REXO1: variants seen among roughly 807,000 people sequenced by gnomAD.
The protein encoded by REXO1 is RNA exonuclease 1 homolog, also known as REX1, RNA exonuclease 1 homolog.
REXO1 carries 42 observed loss-of-function variants against 102.6 expected under a neutral mutation model. That is an observed-to-expected ratio of 0.41 (90% CI 0.32 to 0.53). The LOEUF is 0.53. Ranked by LOEUF, REXO1 falls within the 20% of genes least tolerant of loss-of-function variation. The pLI is 0.27. For synonymous variants in REXO1, 908 were observed against 779.1 expected (o/e 1.17, Z -2.76); for missense variants, 1,819 against 1,732.5 (o/e 1.05, Z -0.89).
At chr19:1,833,561 A>T (rs1340086617) in intron 1 of REXO1, among the ~76,000 whole-genome samples, 1 of 152,208 alleles carries the variant, frequency 6.6e-6, no homozygotes, top group Non-Finnish European at 1.5e-5. Flanking sequence ...CCAGGCCAGG[A>T]GGATGCTCCC....
Position 1,821,525 on chromosome 19 carries a change from G to C in REXO1, c.2388C>G (p.Ser796=). The change falls in exon 5 of 16, where the codon TCC becomes TCG. Residue 796 remains serine (S), a synonymous_variant. Coordinates refer to ENST00000170168, the MANE Select transcript of REXO1 (RefSeq NM_020695.4). Reference sequence around the variant, plus strand: ...CCGAGATGGGAGGGGCTACCTGTAAGGATGGACTGTGGGCGATTCGCTTAG... The same window carrying C: ...CCGAGATGGGAGGGGCTACCTGTAACGATGGACTGTGGGCGATTCGCTTAG... The part of the protein sequence containing the change: ...IIPKRIAHSP[S]LQSLKKPIIP... 6.2e-7 allele frequency: 1 copy of C among 1,613,758 alleles called. No individual in the cohort carries two copies. Among genetic ancestry groups the C allele is most frequent in the Non-Finnish European group, 8.5e-7 (1 of 1,179,816 alleles).
At chr19:1,835,915 G>C (rs1460754409) in intron 1 of REXO1, among the ~76,000 whole-genome samples, 3 of 152,206 alleles carry the variant, frequency 2.0e-5, no homozygotes, top group African/African-American at 7.2e-5. Context: ...TCCCGGCCTA[G>C]GAGAGAGCCC....
Position 1,819,003 on chromosome 19 carries a change from G to C in REXO1, c.2764+15C>G. Reference sequence around the variant, plus strand: ...CCACGAAGCACCGTGTGGCAGAGCAGGGGCAGGGCCTTACCTTTCAGGTCC... The same window carrying C: ...CCACGAAGCACCGTGTGGCAGAGCACGGGCAGGGCCTTACCTTTCAGGTCC... On this transcript the variant is annotated intron_variant, in intron 8 of 15. Transcript: ENST00000170168. 6.3e-7 allele frequency: 1 copy of C among 1,593,970 alleles called. No individual in the cohort carries two copies. The highest frequency in any genetic ancestry group is 1.1e-5 in the South Asian group (1 of 89,230).
At chr19:1,829,868 C>T (rs528179788) in intron 1 of REXO1, among the ~76,000 whole-genome samples, 14 of 152,262 alleles carry the variant, frequency 9.2e-5, no homozygotes, top group South Asian at 2.1e-4. Context: ...GCTTTGAACT[C>T]GTAGACTCAA....
rs772750482 is a variant in REXO1, at chr19:1,818,575, G to A, written c.2923C>T (p.Arg975Cys). 2.5e-6 allele frequency: 4 copies of A among 1,611,168 alleles called. No homozygotes were observed. The highest frequency in any genetic ancestry group is 2.5e-6 in the Non-Finnish European group (3 of 1,179,416). ...GACACGAGGTACTCGGTGCCACAGCGGCAGCAGGTCCTGCAGGAAGCTGTG... is the reference window on the plus strand; with the variant it reads ...GACACGAGGTACTCGGTGCCACAGCAGCAGCAGGTCCTGCAGGAAGCTGTG... Reference protein sequence around the residue: ...PKDSSCRTCCRCGTEYLVSSS... With the variant: ...PKDSSCRTCCCCGTEYLVSSS... The change falls in exon 10 of 16, where the codon CGC becomes TGC. Residue 975 changes from arginine (R) to cysteine (C), a missense_variant. Transcript: ENST00000170168.
At chr19:1,817,159 C>G in intron 12 of REXO1, 60 bp downstream of exon 12, 1 of 810,336 alleles carries the variant, frequency 1.2e-6, no homozygotes, top group Non-Finnish European at 1.7e-6. Flanking sequence ...GATGGGGCGG[C>G]CGCACCAGGC....
intron 1 of REXO1, among the ~76,000 whole-genome samples, chr19:1,837,718 C>T (rs766251208): frequency 1.3e-5 from 2 of 152,164 alleles, no homozygotes; most frequent in Non-Finnish European, 2.9e-5. Flanking sequence ...GGCTGCGATC[C>T]GAGCCTCCCC....
At chr19:1,829,718 G>A (rs957562003) in intron 1 of REXO1, among the ~76,000 whole-genome samples, 2 of 152,064 alleles carry the variant, frequency 1.3e-5, no homozygotes, top group Non-Finnish European at 2.9e-5. Flanking sequence ...TGAGGCAGGA[G>A]AATCGCTTGA....
Position 1,819,119 on chromosome 19 carries a change from C to T in REXO1, c.2663G>A (p.Arg888His), listed in dbSNP as rs200636363. ...AVPGLSKTSG[R>H]RVVSHEVVLG... is the part of the protein sequence containing the mutation. ...CACCACCTCGTGGGACACAACCCTG[C>T]GGCCACTGGTTTCTGGAAGGAAGGG... Residue 888 changes from arginine to histidine, a missense_variant, in exon 8 of 16, where the codon CGC becomes CAC. Transcript: ENST00000170168. 32 of 1,574,532 alleles carry T rather than the reference C, an allele frequency of 2.0e-5. No homozygotes were observed. The highest frequency in any genetic ancestry group is 9.0e-5 in the Admixed American group (5 of 55,358).
chr19:1,838,165 C>CA (rs2070096361), intron 1 of REXO1, among the ~76,000 whole-genome samples: 2 of 151,662 alleles, frequency 1.3e-5, no homozygotes, highest in Admixed American at 1.3e-4. Context: ...ACTAAAACTA[C>CA]AAAAAATTAG....
chr19:1,848,351 C>A lies in REXO1; in HGVS notation c.8G>T (p.Arg3Leu). 1 of 1,220,272 alleles carries A rather than the reference C, an allele frequency of 8.2e-7. No individual in the cohort carries two copies. The highest frequency in any genetic ancestry group is 1.0e-6 in the Non-Finnish European group (1 of 973,592). 75.6% of individuals were successfully genotyped at this position (1,220,272 alleles called of 1,614,324 possible). A position where few individuals can be genotyped will look rare whatever the true frequency, so the allele number is the denominator to read the frequency against. ...AATGGCCCGGAAGAAGCCAGTGGAGCGTAGCATGGTCCGTCCCGCGGCGGG... is the reference window on the plus strand; with the variant it reads ...AATGGCCCGGAAGAAGCCAGTGGAGAGTAGCATGGTCCGTCCCGCGGCGGG... The part of the protein sequence containing the change: ML[R>L]STGFFRAIDC... Residue 3 changes from arginine to leucine, a missense_variant, in exon 1 of 16, where the codon CGC becomes CTC. Physicochemically the swap from Arg to Leu is moderately radical, Grantham distance 102. Transcript: ENST00000170168.
chr19:1,827,308 T>A lies in REXO1; in HGVS notation c.1481A>T (p.Glu494Val). The A allele has an allele frequency of 6.4e-7, 1 of 1,560,314 alleles. No homozygotes were observed. The highest frequency in any genetic ancestry group is 8.6e-7 in the Non-Finnish European group (1 of 1,157,902). ...STKAPSGKLV[E>V]RKARSLDEGA... is the part of the protein sequence containing the mutation. ...CTCGTCTAGTGAGCGGGCTTTCCGCTCCACTAGCTTCCCCGACGGGGCCTT... is the reference window on the plus strand; with the variant it reads ...CTCGTCTAGTGAGCGGGCTTTCCGCACCACTAGCTTCCCCGACGGGGCCTT... The change falls in exon 2 of 16, where the codon GAG becomes GTG. Residue 494 changes from glutamate (E) to valine (V), a missense_variant. Glu to Val is a moderately radical substitution (Grantham distance 121). Coordinates refer to ENST00000170168, the MANE Select transcript of REXO1 (RefSeq NM_020695.4).
At chr19:1,844,597 G>A (rs1163228620) in intron 1 of REXO1, among the ~76,000 whole-genome samples, 1 of 152,164 alleles carries the variant, frequency 6.6e-6, no homozygotes. Flanking sequence ...CTCTACCCCA[G>A]GACTCCTGCC....
intron 10 of REXO1, 73 bp downstream of exon 10, chr19:1,818,409 T>TGGGGGCCTCAAGGGAGGGCCCAGGTTCC: frequency 8.6e-7 from 1 of 1,159,148 alleles, no homozygotes; most frequent in Non-Finnish European, 1.3e-6. Flanking sequence ...ACCCCAGTTC[T>TGGGGGCCTCAAGGGAGGGCCCAGGTTCC]GGGGGCCTCA....
intron 8 of REXO1, 35 bp downstream of exon 8, chr19:1,818,983 A>G (rs780803785): frequency 4.1e-5 from 64 of 1,579,402 alleles, no homozygotes; most frequent in Non-Finnish European, 5.4e-5. Context: ...GAGGCCCACG[A>G]AGCACCGTGT....
intron 1 of REXO1, among the ~76,000 whole-genome samples, chr19:1,838,800 A>G (rs1482196731): frequency 6.6e-6 from 1 of 151,570 alleles, no homozygotes; most frequent in African/African-American, 2.4e-5. Flanking sequence ...AGCCACTTTC[A>G]TGGTCCACAC....
At chr19:1,816,928 CTG>C in intron 12 of REXO1, 115 bp from the exon 13 acceptor site, 2 of 828,252 alleles carry the variant, frequency 2.4e-6, no homozygotes, top group East Asian at 2.6e-5. Flanking sequence ...ACCAGAGACT[CTG>C]TGGGACTTCT....
In REXO1 at chr19:1,828,087, A is replaced by G. The variant is rs1157932565; in HGVS notation, c.702T>C (p.Tyr234=). The G allele has an allele frequency of 1.9e-6, 3 of 1,613,044 alleles. No homozygotes were observed. The highest frequency in any genetic ancestry group is 1.7e-5 in the Admixed American group (1 of 60,006). The change falls in exon 2 of 16, where the codon TAT becomes TAC. Residue 234 remains tyrosine (Y), a synonymous_variant. Transcript: ENST00000170168. ...DNSRPPTDLE[Y]DPLSNYSARH... The stretch of plus-strand genomic sequence containing the variant: ...GGGCCGAGTAGTTGGAGAGAGGGTC[A>G]TACTCCAGGTCTGTGGGTGGCCTGG...
intron 1 of REXO1, among the ~76,000 whole-genome samples, chr19:1,829,997 A>G (rs1439875896): frequency 3.9e-5 from 6 of 152,152 alleles, no homozygotes; most frequent in East Asian, 3.8e-4. Flanking sequence ...TGAGACTCGC[A>G]TGTTATTTAC....
Sources: allele counts gnomAD v4.1 joint callset (sites outside exome capture counted in the v4.1 genomes callset), GRCh38; gene constraint gnomAD v4.1.1; transcripts MANE v1.5; gene names NCBI Gene and HGNC (gene_info 2026-07-23, HGNC 2026-07-21).